KCNT2: variants seen among roughly 807,000 people sequenced by gnomAD.
The protein encoded by KCNT2 is potassium sodium-activated channel subfamily T member 2, also known as potassium channel subfamily T member 2.
KCNT2 carries 67 observed loss-of-function variants against 153.8 expected under a neutral mutation model. That is an observed-to-expected ratio of 0.44 (90% CI 0.36 to 0.53). KCNT2 has a LOEUF of 0.53. KCNT2 is among the 20% of genes least tolerant of loss of function. KCNT2 has a pLI of 0.00. For synonymous variants in KCNT2, 500 were observed against 458.8 expected, an observed-to-expected ratio of 1.09 and a Z score of -1.15; for missense variants, 975 against 1,354.8, an observed-to-expected ratio of 0.72 and a Z score of 4.40.
At chr1:196,301,821 C>T (rs910290441) in intron 22 of KCNT2, among the ~76,000 whole-genome samples, 1 of 152,148 alleles carries the variant, frequency 6.6e-6, no homozygotes, top group Non-Finnish European at 1.5e-5. Flanking sequence ...CTCACTACAC[C>T]TTCCACCTCC....
intron 14 of KCNT2, 95 bp downstream of exon 14, chr1:196,373,044 TG>T: frequency 1.5e-6 from 1 of 656,280 alleles, no homozygotes; most frequent in Non-Finnish European, 2.7e-6. Context: ...CATATCTAGC[TG>T]TATACGTAGG....
chr1:196,247,613 A>G (rs960878399), intron 26 of KCNT2, among the ~76,000 whole-genome samples: 2 of 152,192 alleles, frequency 1.3e-5, no homozygotes, highest in African/African-American at 2.4e-5. Context: ...ACATGATGGC[A>G]TGAAGGAGAA....
At chr1:196,249,680 G>A (rs1262485634) in intron 26 of KCNT2, among the ~76,000 whole-genome samples, 1 of 151,940 alleles carries the variant, frequency 6.6e-6, no homozygotes, top group Non-Finnish European at 1.5e-5. Context: ...GGCTGAGGCA[G>A]GCAAATCACT....
chr1:196,547,440 A>G (rs1303990414), intron 1 of KCNT2, among the ~76,000 whole-genome samples: 3 of 152,018 alleles, frequency 2.0e-5, no homozygotes, highest in Admixed American at 2.0e-4. Flanking sequence ...TAAAGTTGAA[A>G]CATTTAATTT....
intron 26 of KCNT2, among the ~76,000 whole-genome samples, chr1:196,238,127 G>GA (rs1558055004): frequency 6.6e-6 from 1 of 151,698 alleles, no homozygotes; most frequent in African/African-American, 2.4e-5. Flanking sequence ...TGTGATACAG[G>GA]AAAAAACAAT....
intron 1 of KCNT2, among the ~76,000 whole-genome samples, chr1:196,503,328 G>C (rs1312813335): frequency 1.3e-5 from 2 of 152,038 alleles, no homozygotes; most frequent in African/African-American, 4.8e-5. Flanking sequence ...ACATGTGTAT[G>C]ATTACATACA....
chr1:196,264,574 A>G (rs1657347747), intron 25 of KCNT2, among the ~76,000 whole-genome samples: 1 of 152,064 alleles, frequency 6.6e-6, no homozygotes, highest in Non-Finnish European at 1.5e-5. Flanking sequence ...GGTAAGTCCC[A>G]GTCTATATGT....
intron 8 of KCNT2, among the ~76,000 whole-genome samples, chr1:196,455,611 T>C (rs184102731): frequency 5.8e-4 from 88 of 152,162 alleles, no homozygotes; most frequent in African/African-American, 2.1e-3. Context: ...TCCACATATA[T>C]CTTCAAAGTC....
chr1:196,433,918 T>A (rs1285513694), intron 8 of KCNT2, among the ~76,000 whole-genome samples: 1 of 152,052 alleles, frequency 6.6e-6, no homozygotes, highest in Non-Finnish European at 1.5e-5. Flanking sequence ...AAGATACATG[T>A]CATCATTATA....
chr1:196,417,711 C>T (rs1034963958), intron 12 of KCNT2, among the ~76,000 whole-genome samples: 45 of 152,172 alleles, frequency 3.0e-4, no homozygotes, highest in African/African-American at 9.9e-4. Flanking sequence ...GGGATATATT[C>T]TGAGAAATCC....
At chr1:196,268,105 A>C (rs371970271) in intron 25 of KCNT2, among the ~76,000 whole-genome samples, 8 of 152,190 alleles carry the variant, frequency 5.3e-5, no homozygotes, top group East Asian at 3.9e-4. Context: ...AGCACTAGAC[A>C]CCCTGGATAA....
At chr1:196,470,636 C>G (rs1678008652) in intron 5 of KCNT2, among the ~76,000 whole-genome samples, 1 of 152,142 alleles carries the variant, frequency 6.6e-6, no homozygotes, top group Admixed American at 6.5e-5. Flanking sequence ...CCATGAGGAA[C>G]AACCAAACAC....
intron 8 of KCNT2, among the ~76,000 whole-genome samples, chr1:196,453,115 T>C (rs1676364834): frequency 6.6e-6 from 1 of 151,978 alleles, no homozygotes; most frequent in Non-Finnish European, 1.5e-5. Flanking sequence ...GTTTTTGTTG[T>C]TTTATCTTTT....
At chr1:196,392,222 G>C (rs889348656) in intron 13 of KCNT2, among the ~76,000 whole-genome samples, 1 of 151,150 alleles carries the variant, frequency 6.6e-6, no homozygotes, top group Non-Finnish European at 1.5e-5. Flanking sequence ...TTTAAACAGT[G>C]TAAGTTTGAT....
chr1:196,401,666 A>G (rs1484487298), intron 12 of KCNT2, among the ~76,000 whole-genome samples: 2 of 151,696 alleles, frequency 1.3e-5, no homozygotes, highest in Non-Finnish European at 3.0e-5. Flanking sequence ...AAGGTAAGGA[A>G]AAGGGAACAG....
At chr1:196,282,715 C>T (rs1473744973) in intron 23 of KCNT2, among the ~76,000 whole-genome samples, 1 of 152,128 alleles carries the variant, frequency 6.6e-6, no homozygotes, top group Non-Finnish European at 1.5e-5. Context: ...AACAAATTTT[C>T]AATGAAAAAT....
At chr1:196,404,704 C>T (rs1201538247) in intron 12 of KCNT2, among the ~76,000 whole-genome samples, 1 of 151,506 alleles carries the variant, frequency 6.6e-6, no homozygotes, top group African/African-American at 2.4e-5. Flanking sequence ...TTAACCCCAT[C>T]TAATTTTTAG....
chr1:196,271,611 G>A (rs559429450), intron 25 of KCNT2, among the ~76,000 whole-genome samples: 1 of 151,920 alleles, frequency 6.6e-6, no homozygotes, highest in African/African-American at 2.4e-5. Flanking sequence ...AGAATCAGTA[G>A]AACTAGAAAA....
chr1:196,241,561 T>C (rs940080664), intron 26 of KCNT2, among the ~76,000 whole-genome samples: 1 of 152,108 alleles, frequency 6.6e-6, no homozygotes, highest in Admixed American at 6.6e-5. Flanking sequence ...TTATTTTCAT[T>C]ATCATTCAAA....
Sources: gnomAD v4.1 joint callset for allele counts (sites outside exome capture counted in the v4.1 genomes callset) on GRCh38, gnomAD v4.1.1 for gene constraint, MANE v1.5 for transcripts, NCBI Gene and HGNC (gene_info 2026-07-23, HGNC 2026-07-21) for gene names.